Variants in IL1RAPL1 observed in about 807,000 individuals in gnomAD.
The protein encoded by IL1RAPL1 is interleukin-1 receptor accessory protein-like 1.
IL1RAPL1 carries 3 observed loss-of-function variants against 48.4 expected under a neutral mutation model. The ratio of observed to expected loss-of-function variants is 0.06; its 90% confidence interval spans 0.03 to 0.16. The LOEUF (loss-of-function observed/expected upper bound fraction) is 0.16, where lower values mean the gene tolerates loss of function less well. IL1RAPL1 is among the 10% of genes least tolerant of loss of function. The pLI is 1.00. For synonymous variants in IL1RAPL1, 185 were observed against 187.7 expected, an observed-to-expected ratio of 0.99 and a Z score of 0.12; for missense variants, 349 against 530.6, an observed-to-expected ratio of 0.66 and a Z score of 3.36.
Position 29,322,607 on chromosome X carries a change from C to T in IL1RAPL1, c.362+39390C>T, listed in dbSNP as rs190256242. 2.8e-3 allele frequency among the ~76,000 whole-genome samples: 318 copies of T among 111,913 alleles called. 9 individuals carry two copies. Among genetic ancestry groups the T allele is most frequent in the Admixed American group, 0.023 (245 of 10,514 alleles). ...TATTCAAAATATCTGTGTCAGTTAG[C>T]TTTGGCTACATAATAAACTACTCTA... is the stretch of plus-strand genomic sequence containing the variant. On this transcript the variant is annotated intron_variant, in intron 3 of 10. Transcript: ENST00000378993.
chrX:29,571,257 G>T (rs982494664), intron 5 of IL1RAPL1, among the ~76,000 whole-genome samples: 6 of 110,999 alleles, frequency 5.4e-5, no homozygotes, highest in African/African-American at 1.6e-4. Context: ...TGTCTAAACA[G>T]AGTTCTTTCT....
intron 5 of IL1RAPL1, among the ~76,000 whole-genome samples, chrX:29,604,249 C>T (rs1399802633): frequency 1.8e-5 from 2 of 111,705 alleles, no homozygotes; most frequent in African/African-American, 6.5e-5. Flanking sequence ...TTATAAGTGT[C>T]TGATGTAAAC....
intron 6 of IL1RAPL1, among the ~76,000 whole-genome samples, chrX:29,769,610 ATTTTT>A (rs146650137): frequency 7.0e-5 from 3 of 43,056 alleles, no homozygotes; most frequent in African/African-American, 2.4e-4. Flanking sequence ...TGCCTGGCTA[ATTTTT>A]TTTTTTTTTT....
At chrX:29,405,640 ACAGGCGTGAGCCAC>A (rs1296400322) in intron 5 of IL1RAPL1, among the ~76,000 whole-genome samples, 2 of 108,161 alleles carry the variant, frequency 1.8e-5, no homozygotes, top group Non-Finnish European at 3.8e-5. Flanking sequence ...TGCTGGAATT[ACAGGCGTGAGCCAC>A]CACGCCCAGG....
At chrX:29,845,133 C>T (rs565802085) in intron 6 of IL1RAPL1, among the ~76,000 whole-genome samples, 1 of 112,239 alleles carries the variant, frequency 8.9e-6, no homozygotes, top group East Asian at 2.8e-4. Context: ...TGTTTTAAGC[C>T]ACCTAGTATG....
chrX:29,149,131 T>C (rs966819306), intron 2 of IL1RAPL1, among the ~76,000 whole-genome samples: 1 of 111,363 alleles, frequency 9.0e-6, no homozygotes, highest in African/African-American at 3.3e-5. Flanking sequence ...ATAATTGTAG[T>C]AGCCATTGGG....
intron 2 of IL1RAPL1, among the ~76,000 whole-genome samples, chrX:28,792,515 C>T (rs1034764593): frequency 1.1e-5 from 1 of 93,713 alleles, no homozygotes; most frequent in Non-Finnish European, 2.2e-5. Context: ...AGGCCGGGCG[C>T]GTTGGCTCAC....
At chrX:28,611,098 G>A (rs1443544687) in intron 1 of IL1RAPL1, among the ~76,000 whole-genome samples, 1 of 111,561 alleles carries the variant, frequency 9.0e-6, no homozygotes, top group Non-Finnish European at 1.9e-5. Context: ...CTCCCACAGA[G>A]CTCATTTAGA....
chrX:29,004,046 G>A (rs1008149075), intron 2 of IL1RAPL1, among the ~76,000 whole-genome samples: 19 of 111,028 alleles, frequency 1.7e-4, no homozygotes, highest in Non-Finnish European at 3.6e-4. Context: ...GGAAACTGAG[G>A]CAGGAGAATC....
At chrX:29,593,278 T>C (rs1476847183) in intron 5 of IL1RAPL1, among the ~76,000 whole-genome samples, 1 of 111,727 alleles carries the variant, frequency 9.0e-6, no homozygotes, top group Non-Finnish European at 1.9e-5. Context: ...ATGTCATTGG[T>C]GACACTGGGC....
At chrX:29,132,382 T>G (rs1296577113) in intron 2 of IL1RAPL1, among the ~76,000 whole-genome samples, 1 of 112,263 alleles carries the variant, frequency 8.9e-6, no homozygotes, top group Non-Finnish European at 1.9e-5. Context: ...AATGTCATAG[T>G]GTAACACATT....
Position 29,367,552 on chromosome X carries a change from T to TTATTTTTATTTA in IL1RAPL1, c.363-28705_363-28704insATTTTTATTTAT, listed in dbSNP as rs758434894. ...GTAGAGCAAAAGGGCTTCTATTTAT[T>TTATTTTTATTTA]TTTATTTATTTATTTATTTATTTAT... is the stretch of plus-strand genomic sequence containing the variant. On this transcript the variant is annotated intron_variant, in intron 3 of 10. Coordinates refer to ENST00000378993, the MANE Select transcript of IL1RAPL1 (RefSeq NM_014271.4). Among the ~76,000 whole-genome samples, 67 of 98,524 alleles carry TTATTTTTATTTA rather than the reference T, an allele frequency of 6.8e-4. 1 individual carries two copies. Among genetic ancestry groups the TTATTTTTATTTA allele is most frequent in the African/African-American group, 1.9e-3 (50 of 26,341 alleles). The allele number at this position is 98,524 out of a possible 115,157, so 85.6% of individuals were successfully genotyped here.
chrX:28,983,821 A>C (rs1925400930), intron 2 of IL1RAPL1, among the ~76,000 whole-genome samples: 1 of 111,877 alleles, frequency 8.9e-6, no homozygotes, highest in Admixed American at 9.5e-5. Context: ...TAACCAATTA[A>C]TATAGTGAGG....
intron 2 of IL1RAPL1, among the ~76,000 whole-genome samples, chrX:29,143,468 G>C (rs745724383): frequency 1.8e-5 from 2 of 111,735 alleles, no homozygotes; most frequent in African/African-American, 6.5e-5. Flanking sequence ...ACATTAAACA[G>C]AAAATTCCAG....
At chrX:28,983,643 TC>T (rs1386547629) in intron 2 of IL1RAPL1, among the ~76,000 whole-genome samples, 1 of 112,064 alleles carries the variant, frequency 8.9e-6, no homozygotes, top group African/African-American at 3.2e-5. Context: ...GTGTTATATT[TC>T]CATATCATAT....
rs193055376 is a variant in IL1RAPL1 at position 29,766,995 on chromosome X, T to C, written c.778+98491T>C. On this transcript the variant is annotated intron_variant, in intron 6 of 10. Coordinates refer to ENST00000378993, the MANE Select transcript of IL1RAPL1 (RefSeq NM_014271.4). The stretch of plus-strand genomic sequence containing the variant: ...ATACACAGTCCGTATTCACATTCTT[T>C]ACAGTTGTTCCTCACTCTCCACTTT... Among the ~76,000 whole-genome samples the C allele has an allele frequency of 3.6e-5, 4 of 110,488 alleles. No homozygotes were observed. The East Asian group carries it at 1.1e-3, about 31-fold the overall frequency.
At chrX:28,655,129 C>A (rs774933066) in intron 1 of IL1RAPL1, among the ~76,000 whole-genome samples, 2 of 111,048 alleles carry the variant, frequency 1.8e-5, no homozygotes, top group South Asian at 7.6e-4. Flanking sequence ...TGAAATGAAG[C>A]CAGATAAATT....
At chrX:29,607,896 T>C (rs1385932936) in intron 5 of IL1RAPL1, among the ~76,000 whole-genome samples, 1 of 112,579 alleles carries the variant, frequency 8.9e-6, no homozygotes, top group African/African-American at 3.2e-5. Flanking sequence ...CATAAACTCC[T>C]TGTAGTCACT....
At chrX:29,537,352 C>T (rs1012779792) in intron 5 of IL1RAPL1, among the ~76,000 whole-genome samples, 2 of 110,152 alleles carry the variant, frequency 1.8e-5, no homozygotes, top group Non-Finnish European at 1.9e-5. Flanking sequence ...TTTGTTGGGT[C>T]CCAATACTGA....
Sources: allele counts gnomAD v4.1 joint callset (sites outside exome capture counted in the v4.1 genomes callset), GRCh38; gene constraint gnomAD v4.1.1; transcripts MANE v1.5; gene names NCBI Gene and HGNC (gene_info 2026-07-23, HGNC 2026-07-21).